Variants in AKAP13 observed in about 807,000 individuals in gnomAD.
AKAP13 encodes A-kinase anchoring protein 13, also known as A-kinase anchor protein 13.
In AKAP13, 80 loss-of-function variants were observed where a neutral mutation model predicts 264.5. The observed-to-expected ratio is 0.30, with a 90% CI of 0.25 to 0.36. The LOEUF (loss-of-function observed/expected upper bound fraction) is 0.36, where lower values mean the gene tolerates loss of function less well. Among genes scored for constraint, AKAP13 ranks in the 10% least tolerant of loss-of-function variants. The pLI is 1.00. For missense variants in AKAP13, 3,712 were observed against 3,435.2 expected (o/e 1.08, Z -2.01); for synonymous variants, 1,380 against 1,250.2 (o/e 1.10, Z -2.19).
chr15:85,645,787 T>TC (rs1555454666), intron 9 of AKAP13, 31 bp from the exon 10 acceptor site: 15 of 1,546,158 alleles, frequency 9.7e-6, no homozygotes, highest in East Asian at 2.3e-5. Context: ...TTTTTTTTTT[T>TC]CAATATTGGT....
chr15:85,566,097 C>G (rs1184792465), intron 5 of AKAP13, among the ~76,000 whole-genome samples: 1 of 152,202 alleles, frequency 6.6e-6, no homozygotes, highest in Non-Finnish European at 1.5e-5. Flanking sequence ...TTCATGTGAA[C>G]TATTTGTACT....
At chr15:85,699,854 G>A (rs927602384) in intron 17 of AKAP13, among the ~76,000 whole-genome samples, 6 of 152,224 alleles carry the variant, frequency 3.9e-5, no homozygotes, top group African/African-American at 1.4e-4. Context: ...CCAACTCTCA[G>A]TTCTGGATTG....
At chr15:85,427,997 A>G (rs548514434) in intron 1 of AKAP13, among the ~76,000 whole-genome samples, 40 of 152,016 alleles carry the variant, frequency 2.6e-4, no homozygotes, top group South Asian at 1.5e-3. Flanking sequence ...TCCAACTTAC[A>G]CTCCTGAGAA....
chr15:85,654,714 C>G (rs2083018733), intron 10 of AKAP13, among the ~76,000 whole-genome samples: 1 of 152,022 alleles, frequency 6.6e-6, no homozygotes, highest in African/African-American at 2.4e-5. Context: ...GTTCCAGCCA[C>G]TCGGGAGGCT....
At chr15:85,455,499 C>G (rs758830078) in intron 1 of AKAP13, among the ~76,000 whole-genome samples, 1 of 152,200 alleles carries the variant, frequency 6.6e-6, no homozygotes, top group East Asian at 1.9e-4. Flanking sequence ...TAGTCACACT[C>G]TTTATACTTA....
At chr15:85,656,230 G>T (rs1365343931) in intron 11 of AKAP13, among the ~76,000 whole-genome samples, 1 of 152,154 alleles carries the variant, frequency 6.6e-6, no homozygotes, top group East Asian at 1.9e-4. Flanking sequence ...TATTTTCTGA[G>T]AATTAAAACC....
intron 7 of AKAP13, chr15:85,583,275 A>T: frequency 1.3e-6 from 1 of 748,430 alleles, no homozygotes; most frequent in Non-Finnish European, 1.6e-6. Context: ...TATGGAGAGA[A>T]ATGAATCAAT....
chr15:85,415,199 T>C (rs1364565292), intron 1 of AKAP13: 6 of 1,437,278 alleles, frequency 4.2e-6, no homozygotes, highest in South Asian at 3.6e-5. Context: ...CAGACCCCGC[T>C]CTGCACGCCA....
rs761333470 is a variant in AKAP13 at position 85,727,389 on chromosome 15, A to G, written c.7013A>G (p.Asp2338Gly). The G allele has an allele frequency of 6.2e-7, 1 of 1,614,176 alleles. No homozygotes were observed. The highest frequency in any genetic ancestry group is 2.2e-5 in the East Asian group (1 of 44,884). Residue 2338 changes from aspartate to glycine, a missense_variant, in exon 29 of 37, where the codon GAT becomes GGT. Physicochemically the swap from Asp to Gly is moderately conservative, Grantham distance 94 (BLOSUM62 -1). Around this residue, in one of 3 missense-constraint regions of AKAP13, gnomAD observed 342 missense variants for 484.3 expected, o/e 0.71. Transcript: ENST00000394518. The surrounding 1 kb of genome is among the most constrained non-coding windows in gnomAD (Gnocchi z 5.3). Reference sequence around the variant, plus strand: ...TGTTTGGGTTGTATTAGGAACAGAGATGAAGATGAAGGAATTCCTAGTGAG... The same window carrying G: ...TGTTTGGGTTGTATTAGGAACAGAGGTGAAGATGAAGGAATTCCTAGTGAG... ...IQDTINTLNR[D>G]EDEGIPSENE... is the part of the protein sequence containing the mutation.
intron 2 of AKAP13, among the ~76,000 whole-genome samples, chr15:85,504,932 T>C (rs1467835604): frequency 6.6e-6 from 1 of 151,784 alleles, no homozygotes; most frequent in African/African-American, 2.4e-5. Flanking sequence ...TCCCCCTCTC[T>C]CCCATCTCTC....
At chr15:85,740,111 AGC>A (rs1263186734) in intron 33 of AKAP13, 109 bp from the exon 34 acceptor site, 1 of 1,073,180 alleles carries the variant, frequency 9.3e-7, no homozygotes, top group Non-Finnish European at 1.4e-6. Flanking sequence ...TAAAGATATA[AGC>A]ATTTAGTTGT....
At chr15:85,398,322 C>T (rs1338432536) in intron 1 of AKAP13, among the ~76,000 whole-genome samples, 1 of 152,140 alleles carries the variant, frequency 6.6e-6, no homozygotes, top group African/African-American at 2.4e-5. Flanking sequence ...CAGTAATGTA[C>T]AGTTCCTCTA....
chr15:85,639,541 T>A, intron 9 of AKAP13, 92 bp downstream of exon 9: 1 of 941,374 alleles, frequency 1.1e-6, no homozygotes, highest in Non-Finnish European at 1.7e-6. Flanking sequence ...TAGCATGTTA[T>A]ACAGTAAATC....
intron 17 of AKAP13, among the ~76,000 whole-genome samples, chr15:85,697,295 G>A (rs1204958218): frequency 6.6e-6 from 1 of 152,218 alleles, no homozygotes; most frequent in South Asian, 2.1e-4. Context: ...AAGGGGCCGG[G>A]CGCAGTGGCT....
intron 1 of AKAP13, among the ~76,000 whole-genome samples, chr15:85,450,045 C>A (rs2074028424): frequency 6.6e-6 from 1 of 151,658 alleles, no homozygotes; most frequent in African/African-American, 2.4e-5. Flanking sequence ...TCCATCAGGT[C>A]CTAGGCCTTT....
At chr15:85,532,299 C>A (rs2077266818) in intron 3 of AKAP13, among the ~76,000 whole-genome samples, 1 of 152,230 alleles carries the variant, frequency 6.6e-6, no homozygotes, top group South Asian at 2.1e-4. Context: ...ATGGAAGAAA[C>A]ATTGTCTCTT....
chr15:85,483,717 A>C (rs900132164), intron 1 of AKAP13, among the ~76,000 whole-genome samples: 12 of 150,880 alleles, frequency 8.0e-5, no homozygotes, highest in African/African-American at 2.9e-4. Context: ...AGGCTGAGGC[A>C]GGAGAATTGC....
chr15:85,585,148 T>C (rs1352180827), intron 7 of AKAP13, among the ~76,000 whole-genome samples: 1 of 152,168 alleles, frequency 6.6e-6, no homozygotes, highest in Non-Finnish European at 1.5e-5. Context: ...TTGGAAGAAA[T>C]AAGGGTTAAA....
At chr15:85,641,560 A>G (rs2082313987) in intron 9 of AKAP13, among the ~76,000 whole-genome samples, 1 of 150,834 alleles carries the variant, frequency 6.6e-6, no homozygotes, top group South Asian at 2.1e-4. Context: ...ATCTCGGCTC[A>G]CTGCAAGCTC....
Sources: allele counts gnomAD v4.1 joint callset (sites outside exome capture counted in the v4.1 genomes callset), GRCh38; gene constraint gnomAD v4.1.1; regional missense constraint gnomAD v4.1.1; non-coding constraint Gnocchi (gnomAD v3.1); transcripts MANE v1.5; gene names NCBI Gene and HGNC (gene_info 2026-07-23, HGNC 2026-07-21).